PIP5K1B: variants seen among roughly 807,000 people sequenced by gnomAD.
PIP5K1B encodes the protein phosphatidylinositol-4-phosphate 5-kinase type 1 beta, also known as phosphatidylinositol 4-phosphate 5-kinase type-1 beta.
In PIP5K1B, 42 loss-of-function variants were observed where a neutral mutation model predicts 67.0. The observed-to-expected ratio is 0.63, with a 90% CI of 0.49 to 0.81. PIP5K1B has a LOEUF of 0.81. PIP5K1B is among the 30% of genes least tolerant of loss of function. The pLI is 0.00. For missense variants in PIP5K1B, 459 were observed against 646.3 expected (o/e 0.71, Z 3.14); for synonymous variants, 214 against 231.4 (o/e 0.92, Z 0.68).
chr9:68,920,471 A>G (rs769507427), intron 11 of PIP5K1B, among the ~76,000 whole-genome samples: 7 of 144,752 alleles, frequency 4.8e-5, no homozygotes, highest in Non-Finnish European at 9.0e-5. Context: ...AGGGTCAAGC[A>G]ATTCTCTTAC....
At chr9:68,988,528 C>T (rs1428395479) in intron 14 of PIP5K1B, among the ~76,000 whole-genome samples, 1 of 144,038 alleles carries the variant, frequency 6.9e-6, no homozygotes, top group Admixed American at 7.3e-5. Context: ...TGACTCACTG[C>T]AACCTCTGCC....
intron 2 of PIP5K1B, among the ~76,000 whole-genome samples, chr9:68,816,786 A>C (rs1027849557): frequency 1.3e-5 from 2 of 152,216 alleles, no homozygotes; most frequent in African/African-American, 4.8e-5. Flanking sequence ...AATATTAAAG[A>C]TGGACCCATA....
intron 14 of PIP5K1B, among the ~76,000 whole-genome samples, chr9:68,970,490 A>G (rs1441796396): frequency 6.6e-6 from 1 of 152,162 alleles, no homozygotes; most frequent in African/African-American, 2.4e-5. Flanking sequence ...CTTTCCCACA[A>G]TATGTGGAAA....
At chr9:68,760,828 T>C (rs1830151960) in intron 2 of PIP5K1B, among the ~76,000 whole-genome samples, 1 of 152,094 alleles carries the variant, frequency 6.6e-6, no homozygotes, top group African/African-American at 2.4e-5. Flanking sequence ...CAGCCAAGCC[T>C]TGCTGGCAGG....
chr9:68,924,594 G>T (rs1000264625), intron 12 of PIP5K1B, among the ~76,000 whole-genome samples: 1 of 151,792 alleles, frequency 6.6e-6, no homozygotes, highest in Non-Finnish European at 1.5e-5. Flanking sequence ...CAATGAATAT[G>T]TTGTATCTGT....
At chr9:68,758,504 G>A (rs1170438244) in intron 2 of PIP5K1B, among the ~76,000 whole-genome samples, 1 of 152,148 alleles carries the variant, frequency 6.6e-6, no homozygotes, top group Non-Finnish European at 1.5e-5. Context: ...TAACTGAACA[G>A]AGGTGAAAGA....
chr9:68,921,899 C>T (rs551211089), intron 11 of PIP5K1B, among the ~76,000 whole-genome samples: 21 of 152,136 alleles, frequency 1.4e-4, no homozygotes, highest in African/African-American at 4.3e-4. Flanking sequence ...ATCTGCTTTT[C>T]TTTTCTTTTT....
rs558810934 is a variant in PIP5K1B at position 68,735,316 on chromosome 9, CTTTTTTTTTTTTTTT to C, written c.-242-7171_-242-7157del. Among the ~76,000 whole-genome samples, 55 of 29,814 alleles carry C rather than the reference CTTTTTTTTTTTTTTT, an allele frequency of 1.8e-3. 1 individual carries two copies. Among genetic ancestry groups the C allele is most frequent in the African/African-American group, 4.5e-3 (34 of 7,598 alleles). The allele number at this position is 29,814 out of a possible 152,430, so 19.6% of individuals were successfully genotyped here. A position where few individuals can be genotyped will look rare whatever the true frequency, so the allele number is the denominator to read the frequency against. Reference sequence around the variant, plus strand: ...CAGATTTGCTGTTTTCCCCTAGTGTCTTTTTTTTTTTTTTTTTTTTTTTTTTTTGGTGGTTGTTCT... The same window carrying C: ...CAGATTTGCTGTTTTCCCCTAGTGTCTTTTTTTTTTTTTGGTGGTTGTTCT... On this transcript the variant is annotated intron_variant, in intron 1 of 15. Transcript: ENST00000265382.
In PIP5K1B at chr9:68,928,508, T is replaced by A. The variant is rs144826500; in HGVS notation, c.1201+5122T>A. 9.7e-3 allele frequency among the ~76,000 whole-genome samples: 1,480 copies of A among 152,344 alleles called. 14 individuals carry two copies. Among genetic ancestry groups the A allele is most frequent in the Non-Finnish European group, 0.016 (1,115 of 68,016 alleles). ...ACCCATATTTTTCTTTTACCTTTTATAGATTGTTGTTTATGTTTTCTTTTC... is the reference window on the plus strand; with the variant it reads ...ACCCATATTTTTCTTTTACCTTTTAAAGATTGTTGTTTATGTTTTCTTTTC... On this transcript the variant is annotated intron_variant, in intron 12 of 15. Transcript: ENST00000265382.
intron 6 of PIP5K1B, among the ~76,000 whole-genome samples, chr9:68,878,862 G>A (rs1450520127): frequency 1.3e-5 from 2 of 152,138 alleles, no homozygotes; most frequent in African/African-American, 2.4e-5. Flanking sequence ...AAAACTACGA[G>A]GGATTTTAAA....
At chr9:68,744,781 T>A (rs536239125) in intron 2 of PIP5K1B, among the ~76,000 whole-genome samples, 2 of 152,264 alleles carry the variant, frequency 1.3e-5, no homozygotes, top group East Asian at 3.9e-4. Flanking sequence ...CCCTCTCACC[T>A]TGTCTCTGGG....
chr9:68,887,872 G>A (rs545182441), intron 6 of PIP5K1B, among the ~76,000 whole-genome samples: 1 of 152,118 alleles, frequency 6.6e-6, no homozygotes, highest in South Asian at 2.1e-4. Context: ...AAAAGGCAGA[G>A]AACAGGGGGC....
chr9:68,797,812 C>CGTTTT (rs61645708), intron 2 of PIP5K1B, among the ~76,000 whole-genome samples: 30,643 of 151,222 alleles, frequency 0.2, 4,553 homozygotes, highest in East Asian at 0.49. Flanking sequence ...TCACTGTGCC[C>CGTTTT]GTTTTGTTTT....
At position 68,722,166 on chromosome 9, in the gene PIP5K1B, T is replaced by C. The variant is rs1443555385; in HGVS notation, c.-243+16404T>C. On this transcript the variant is annotated intron_variant, in intron 1 of 15. Transcript: ENST00000265382. ...CAGCAGGGATCATATCTTTGCCTGC[T>C]TTGTCTCCCCCAACCAAAACCTAAC... 1.2e-4 allele frequency among the ~76,000 whole-genome samples: 19 copies of C among 152,302 alleles called. No homozygotes were observed. In the East Asian group the frequency reaches 2.9e-3, roughly 23 times the overall value.
chr9:68,988,614 T>C (rs1028475790), intron 14 of PIP5K1B, among the ~76,000 whole-genome samples: 1 of 151,988 alleles, frequency 6.6e-6, no homozygotes, highest in Non-Finnish European at 1.5e-5. Flanking sequence ...CATTCCCGGC[T>C]AATATTTTGT....
chr9:68,825,780 T>C (rs1043108424), intron 4 of PIP5K1B, among the ~76,000 whole-genome samples: 1 of 152,164 alleles, frequency 6.6e-6, no homozygotes, highest in Non-Finnish European at 1.5e-5. Flanking sequence ...CAGTAGTCTA[T>C]AATGAGGAGT....
Position 68,894,428 on chromosome 9 carries a change from G to T in PIP5K1B, c.561G>T (p.Val187=), listed in dbSNP as rs760562072. ...GAGGCATTAATATCAGGATTGTGGTGATGAACAACGTTTTGCCACGCTCCA... is the reference window on the plus strand; with the variant it reads ...GAGGCATTAATATCAGGATTGTGGTTATGAACAACGTTTTGCCACGCTCCA... ...QSGGINIRIV[V]MNNVLPRSMR... The change falls in exon 8 of 16, where the codon GTG becomes GTT. Residue 187 remains valine (V), a synonymous_variant. Transcript: ENST00000265382. The T allele has an allele frequency of 6.2e-6, 10 of 1,614,022 alleles. No homozygotes were observed. The highest frequency in any genetic ancestry group is 8.5e-6 in the Non-Finnish European group (10 of 1,179,908).
At chr9:68,899,417 A>T (rs974976846) in intron 8 of PIP5K1B, among the ~76,000 whole-genome samples, 1 of 152,160 alleles carries the variant, frequency 6.6e-6, no homozygotes, top group Non-Finnish European at 1.5e-5. Context: ...GTAAGTGTTT[A>T]TTGGAATATG....
chr9:68,934,898 G>A lies in PIP5K1B; in HGVS notation c.1210G>A (p.Ala404Thr), dbSNP rs905228576. The change falls in exon 13 of 16, where the codon GCT becomes ACT. Residue 404 changes from alanine (A) to threonine (T), a missense_variant. By Grantham distance (58) the Ala-to-Thr change is moderately conservative. Coordinates refer to ENST00000265382, the MANE Select transcript of PIP5K1B (RefSeq NM_003558.4). Reference sequence around the variant, plus strand: ...TTTTCCTTTCTGTCTAGCTTTGAAGGCTTCACCGTCTAAGAAACGGTGCAA... The same window carrying A: ...TTTTCCTTTCTGTCTAGCTTTGAAGACTTCACCGTCTAAGAAACGGTGCAA... ...RVFKKIQALK[A>T]SPSKKRCNSI... 1 of 1,607,742 alleles carries A rather than the reference G, an allele frequency of 6.2e-7. No homozygotes were observed. The highest frequency in any genetic ancestry group is 1.3e-5 in the African/African-American group (1 of 74,728).
Sources: gnomAD v4.1 joint callset for allele counts (sites outside exome capture counted in the v4.1 genomes callset) on GRCh38, gnomAD v4.1.1 for gene constraint, MANE v1.5 for transcripts, NCBI Gene and HGNC (gene_info 2026-07-23, HGNC 2026-07-21) for gene names.